VEGFC: variants seen among roughly 807,000 people sequenced by gnomAD.
VEGFC encodes FLT4 ligand DHM.
A neutral mutation model predicts 46.1 loss-of-function variants in VEGFC; 12 were observed. That is an observed-to-expected ratio of 0.26 (90% confidence interval 0.17 to 0.42). The LOEUF is 0.42. Ranked by LOEUF, VEGFC falls within the 10% of genes least tolerant of loss-of-function variation. VEGFC has a pLI of 1.00. For missense variants in VEGFC, 488 were observed against 529.4 expected (o/e 0.92, Z 0.77); for synonymous variants, 232 against 195.5 (o/e 1.19, Z -1.56).
Position 176,716,502 on chromosome 4 carries a change from G to A in VEGFC, c.553-4852C>T, listed in dbSNP as rs59304913. On this transcript the variant is annotated intron_variant, in intron 3 of 6. Transcript: ENST00000618562. ...TGAGGCAGGAGAGTTTCTTGAACCC[G>A]GGAGGCAGAGGTTGCAGTGAGCCCA... Among the ~76,000 whole-genome samples, 341 of 150,312 alleles carry A rather than the reference G, an allele frequency of 2.3e-3. 4 individuals carry two copies. Among genetic ancestry groups the A allele is most frequent in the Middle Eastern group, 0.014 (4 of 290 alleles).
chr4:176,713,038 C>T (rs1734642836), intron 3 of VEGFC, among the ~76,000 whole-genome samples: 1 of 152,116 alleles, frequency 6.6e-6, no homozygotes. Flanking sequence ...CTAAGGATAA[C>T]ACTTGACTCA....
chr4:176,758,085 G>C (rs1404287106), intron 1 of VEGFC, among the ~76,000 whole-genome samples: 1 of 151,768 alleles, frequency 6.6e-6, no homozygotes, highest in South Asian at 2.1e-4. Context: ...TTTATTACTT[G>C]GTTATGTGTG....
At chr4:176,761,003 T>G (rs1735520867) in intron 1 of VEGFC, among the ~76,000 whole-genome samples, 1 of 152,130 alleles carries the variant, frequency 6.6e-6, no homozygotes, top group South Asian at 2.1e-4. Context: ...AGTTCAAAGA[T>G]CCCATGAATT....
rs1048463240 is a variant in VEGFC at position 176,687,054 on chromosome 4, A to AT, written c.1145+132dup. 11 of 1,033,774 alleles carry AT rather than the reference A, an allele frequency of 1.1e-5. 1 individual carries two copies. In the African/African-American group the frequency reaches 1.1e-4, roughly 11 times the overall value. The allele number at this position is 1,033,774 out of a possible 1,614,324, so 64.0% of individuals were successfully genotyped here. A position where few individuals can be genotyped will look rare whatever the true frequency, so the allele number is the denominator to read the frequency against. On this transcript the variant is annotated intron_variant, in intron 6 of 6. Transcript: ENST00000618562. Reference sequence around the variant, plus strand: ...CAAGTTTAGCATTGGTTAAAAAAATATAAGATTTTTGTCTTTCAGAATGTA... The same window carrying AT: ...CAAGTTTAGCATTGGTTAAAAAAATATTAAGATTTTTGTCTTTCAGAATGTA...
At chr4:176,729,886 A>G (rs1430305269) in intron 1 of VEGFC, 140 bp from the exon 2 acceptor site, 3 of 470,336 alleles carry the variant, frequency 6.4e-6, no homozygotes, top group Non-Finnish European at 1.0e-5. Flanking sequence ...AAATTACTTC[A>G]CTTTCCTTGG....
intron 1 of VEGFC, among the ~76,000 whole-genome samples, chr4:176,746,367 G>GAT (rs1735257980): frequency 6.6e-6 from 1 of 152,004 alleles, no homozygotes; most frequent in African/African-American, 2.4e-5. Context: ...ATGAACAAAT[G>GAT]ATATGTCAGA....
chr4:176,777,769 C>G (rs542733943), intron 1 of VEGFC, among the ~76,000 whole-genome samples: 82 of 149,360 alleles, frequency 5.5e-4, no homozygotes, highest in African/African-American at 2.0e-3. Flanking sequence ...AATACAAAAA[C>G]TTAGCTGGGC....
intron 4 of VEGFC, among the ~76,000 whole-genome samples, chr4:176,697,480 AAAC>A (rs1484650861): frequency 3.3e-5 from 5 of 152,136 alleles, no homozygotes; most frequent in African/African-American, 1.2e-4. Context: ...AAAAGTCAGG[AAAC>A]AACAGGTGCT....
chr4:176,710,112 C>T (rs1734596888), intron 4 of VEGFC, among the ~76,000 whole-genome samples: 1 of 152,100 alleles, frequency 6.6e-6, no homozygotes, highest in Non-Finnish European at 1.5e-5. Context: ...TTTGTACTTA[C>T]AGCTAATATA....
intron 1 of VEGFC, among the ~76,000 whole-genome samples, chr4:176,770,421 G>T (rs1735702227): frequency 6.6e-6 from 1 of 151,788 alleles, no homozygotes; most frequent in African/African-American, 2.4e-5. Flanking sequence ...TGTTTTTGTG[G>T]AAACAGTTTA....
At chr4:176,684,079 A>G (rs775477885) in intron 6 of VEGFC, 39 bp from the exon 7 acceptor site, 23 of 1,422,890 alleles carry the variant, frequency 1.6e-5, no homozygotes, top group Non-Finnish European at 2.1e-5. Context: ...GTTAAAGATC[A>G]AGGCAATGGA....
chr4:176,686,059 T>C (rs1275422390), intron 6 of VEGFC, among the ~76,000 whole-genome samples: 2 of 152,110 alleles, frequency 1.3e-5, no homozygotes, highest in African/African-American at 4.8e-5. Context: ...TACCCATATG[T>C]AAAGAATGGA....
intron 1 of VEGFC, among the ~76,000 whole-genome samples, chr4:176,763,585 T>C (rs1735567613): frequency 6.6e-6 from 1 of 152,204 alleles, no homozygotes; most frequent in African/African-American, 2.4e-5. Context: ...TCATTTATTG[T>C]TATAGATCTT....
chr4:176,687,668 C>A, intron 5 of VEGFC, 148 bp from the exon 6 acceptor site: 1 of 967,332 alleles, frequency 1.0e-6, no homozygotes, highest in East Asian at 2.6e-5. Flanking sequence ...TAAAGGAGTT[C>A]AAAATAATAC....
At chr4:176,716,584 G>GAAAAAAAGAAAAAAA (rs1734702684) in intron 3 of VEGFC, among the ~76,000 whole-genome samples, 1 of 43,760 alleles carries the variant, frequency 2.3e-5, no homozygotes, top group Non-Finnish European at 4.1e-5. Flanking sequence ...CTCCCTCTCC[G>GAAAAAAAGAAAAAAA]AAAAAAAAAA....
intron 3 of VEGFC, among the ~76,000 whole-genome samples, chr4:176,725,907 G>C (rs1032226561): frequency 2.0e-5 from 3 of 151,970 alleles, no homozygotes; most frequent in Admixed American, 6.6e-5. Flanking sequence ...CTTGGCCTAA[G>C]TATTTCTATT....
rs1553998122 is a variant in VEGFC, at chr4:176,784,779, A to AAAAAAAG, written c.147+7385_147+7386insCTTTTTT. Among the ~76,000 whole-genome samples, 55 of 100,266 alleles carry AAAAAAAG rather than the reference A, an allele frequency of 5.5e-4. 2 individuals carry two copies. The highest frequency in any genetic ancestry group is 6.6e-4 in the Non-Finnish European group (32 of 48,718). The allele number at this position is 100,266 out of a possible 152,430, so 65.8% of individuals were successfully genotyped here. A position where few individuals can be genotyped will look rare whatever the true frequency, so the allele number is the denominator to read the frequency against. ...CTCAAAAAAAAAAAAAAAAAAAAAAAGATAAAGTAACTAAATACACAAAAC... is the reference window on the plus strand; with the variant it reads ...CTCAAAAAAAAAAAAAAAAAAAAAAAAAAAAAGGATAAAGTAACTAAATACACAAAAC... On this transcript the variant is annotated intron_variant, in intron 1 of 6. Coordinates refer to ENST00000618562, the MANE Select transcript of VEGFC (RefSeq NM_005429.5).
At chr4:176,713,997 A>C (rs1325462722) in intron 3 of VEGFC, among the ~76,000 whole-genome samples, 1 of 152,162 alleles carries the variant, frequency 6.6e-6, no homozygotes, top group Non-Finnish European at 1.5e-5. Context: ...GCAGCAGTGG[A>C]GACGGGGGAC....
chr4:176,702,817 G>A (rs758994543), intron 4 of VEGFC, among the ~76,000 whole-genome samples: 2 of 151,668 alleles, frequency 1.3e-5, no homozygotes, highest in African/African-American at 4.8e-5. Flanking sequence ...ATAGTACATC[G>A]TCACAGAATA....
Sources: gnomAD v4.1 joint callset for allele counts (sites outside exome capture counted in the v4.1 genomes callset) on GRCh38, gnomAD v4.1.1 for gene constraint, MANE v1.5 for transcripts, NCBI Gene and HGNC (gene_info 2026-07-23, HGNC 2026-07-21) for gene names.